Variants in SEC11C observed in about 807,000 individuals in gnomAD.
The protein encoded by SEC11C is SEC11 homolog C, signal peptidase complex subunit, also known as signal peptidase complex catalytic subunit SEC11C.
Under a neutral mutation model 21.9 loss-of-function variants are expected in SEC11C, and 10 were observed. The observed-to-expected ratio is 0.46, with a 90% confidence interval of 0.28 to 0.77. The LOEUF is 0.77. Ranked by LOEUF, SEC11C falls within the 30% of genes least tolerant of loss-of-function variation. The pLI, the probability that SEC11C is intolerant of heterozygous loss-of-function variation, is 0.12. For synonymous variants in SEC11C, 83 were observed against 85.6 expected, an observed-to-expected ratio of 0.97 and a Z score of 0.17; for missense variants, 145 against 244.5, an observed-to-expected ratio of 0.59 and a Z score of 2.71.
intron 1 of SEC11C, 23 bp downstream of exon 1, chr18:59,140,058 G>A: frequency 6.4e-7 from 1 of 1,557,206 alleles, no homozygotes; most frequent in Non-Finnish European, 8.7e-7. Context: ...GGTGGTGAGC[G>A]CGCCGTGGCC....
chr18:59,142,585 A>C (rs1263843285), intron 1 of SEC11C, among the ~76,000 whole-genome samples: 1 of 152,220 alleles, frequency 6.6e-6, no homozygotes. Context: ...CGTGACTTGT[A>C]AGGCTGATTT....
intron 3 of SEC11C, chr18:59,153,201 T>A (rs2069379392): frequency 6.6e-6 from 1 of 152,274 alleles, no homozygotes. Flanking sequence ...CACCGCCCCA[T>A]CCCCTACTCC....
intron 3 of SEC11C, among the ~76,000 whole-genome samples, chr18:59,154,638 G>A (rs764658533): frequency 3.9e-5 from 6 of 152,202 alleles, no homozygotes; most frequent in Non-Finnish European, 8.8e-5. Flanking sequence ...AACAAATTCT[G>A]CATTTGGCAA....
At chr18:59,150,361 A>G (rs2069333580) in intron 2 of SEC11C, among the ~76,000 whole-genome samples, 1 of 152,166 alleles carries the variant, frequency 6.6e-6, no homozygotes, top group Non-Finnish European at 1.5e-5. Context: ...CAGGGCTCTT[A>G]GCTCCCAAAC....
At chr18:59,140,346 C>T (rs1176699799) in intron 1 of SEC11C, among the ~76,000 whole-genome samples, 1 of 152,224 alleles carries the variant, frequency 6.6e-6, no homozygotes, top group Non-Finnish European at 1.5e-5. Context: ...CGGTGAACGA[C>T]AGCTCTCTGA....
In SEC11C at chr18:59,141,688, C is replaced by G. The variant is rs78422620; in HGVS notation, c.87+1653C>G. Among the ~76,000 whole-genome samples the G allele has an allele frequency of 1.8e-4, 27 of 151,074 alleles. No homozygotes were observed. The East Asian group carries it at 2.5e-3, about 14-fold the overall frequency. ...TCTTTTTTTTTTTTTCTCTTCTTCC[C>G]TCCAAAATAGCATCTTATGACACTT... On this transcript the variant is annotated intron_variant, in intron 1 of 5. Transcript: ENST00000587834.
At position 59,155,746 on chromosome 18, in the gene SEC11C, G is replaced by A. The variant is rs1355571294; in HGVS notation, c.406G>A (p.Gly136Ser). The A allele has an allele frequency of 3.7e-6, 6 of 1,613,876 alleles. No individual in the cohort carries two copies. In the African/African-American group the frequency reaches 4.0e-5, roughly 11 times the overall value. ...AGATAATAATGAAGTTGATGATAGA[G>A]GCTTGTACAAAGAAGGCCAGAACTG... ...KGDNNEVDDR[G>S]LYKEGQNWLE... is the part of the protein sequence containing the mutation. The change falls in exon 4 of 6, where the codon GGC (glycine) becomes AGC (serine). Residue 136 changes from glycine (G) to serine (S), a missense_variant. Coordinates refer to ENST00000587834, the MANE Select transcript of SEC11C (RefSeq NM_033280.4).
In SEC11C at chr18:59,155,895, T is replaced by G. The variant is rs2069412783; in HGVS notation, c.467+88T>G. On this transcript the variant is annotated intron_variant, in intron 4 of 5. Transcript: ENST00000587834. ...AATCAATAGGCTAATGAGTCGTTAA[T>G]TACAAATATGACATATCAGGAGAGT... 4.8e-6 allele frequency: 7 copies of G among 1,450,682 alleles called. No individual in the cohort carries two copies. In the South Asian group the frequency reaches 8.4e-5, roughly 17 times the overall value. 89.9% of individuals were successfully genotyped at this position (1,450,682 alleles called of 1,614,324 possible).
intron 1 of SEC11C, 106 bp downstream of exon 1, chr18:59,140,141 G>GCCGA: frequency 9.4e-7 from 1 of 1,067,112 alleles, no homozygotes; most frequent in Non-Finnish European, 1.3e-6. Context: ...GCGGCCGGGC[G>GCCGA]GCCACCCGAA....
intron 5 of SEC11C, among the ~76,000 whole-genome samples, chr18:59,157,931 C>G (rs2069436436): frequency 6.6e-6 from 1 of 152,190 alleles, no homozygotes; most frequent in South Asian, 2.1e-4. Flanking sequence ...CATACACACA[C>G]AAAAGTAGTA....
intron 5 of SEC11C, among the ~76,000 whole-genome samples, chr18:59,157,986 A>C (rs1555658924): frequency 6.6e-6 from 1 of 151,680 alleles, no homozygotes; most frequent in African/African-American, 2.4e-5. Context: ...CAAAAATGGT[A>C]TCTCTCTCTC....
At chr18:59,148,867 G>A (rs1303063507) in intron 1 of SEC11C, among the ~76,000 whole-genome samples, 3 of 151,924 alleles carry the variant, frequency 2.0e-5, no homozygotes, top group East Asian at 1.9e-4. Context: ...CACCCGCCTC[G>A]GCCTCCCAAA....
intron 1 of SEC11C, among the ~76,000 whole-genome samples, chr18:59,143,563 A>G (rs1353575770): frequency 6.6e-6 from 1 of 152,102 alleles, no homozygotes; most frequent in Non-Finnish European, 1.5e-5. Flanking sequence ...CTTTTCCTAC[A>G]TCAGTCAGAG....
intron 1 of SEC11C, among the ~76,000 whole-genome samples, chr18:59,145,243 C>T (rs2069257933): frequency 6.6e-6 from 1 of 152,248 alleles, no homozygotes; most frequent in Admixed American, 6.5e-5. Context: ...CACGGCCATG[C>T]TCTTTCTTTT....
chr18:59,154,836 C>T (rs1419324916), intron 3 of SEC11C, among the ~76,000 whole-genome samples: 1 of 152,132 alleles, frequency 6.6e-6, no homozygotes, highest in African/African-American at 2.4e-5. Context: ...GAGGCCAAGG[C>T]GGGTGGATCA....
At chr18:59,157,561 TG>T in intron 4 of SEC11C, 46 bp from the exon 5 acceptor site, 2 of 1,270,696 alleles carry the variant, frequency 1.6e-6, no homozygotes, top group Non-Finnish European at 2.3e-6. Flanking sequence ...GCCATCATCA[TG>T]TTATAAGCAG....
intron 2 of SEC11C, among the ~76,000 whole-genome samples, chr18:59,151,993 G>A (rs1387947822): frequency 6.6e-6 from 1 of 152,174 alleles, no homozygotes; most frequent in African/African-American, 2.4e-5. Context: ...TGTAGAATAT[G>A]GTGGAAAAGA....
intron 3 of SEC11C, among the ~76,000 whole-genome samples, chr18:59,153,650 A>T (rs938546761): frequency 6.6e-6 from 1 of 151,956 alleles, no homozygotes; most frequent in Non-Finnish European, 1.5e-5. Flanking sequence ...TCCCGGGTTC[A>T]AGCGATTCTT....
chr18:59,146,779 A>T (rs2069280932), intron 1 of SEC11C, among the ~76,000 whole-genome samples: 1 of 152,102 alleles, frequency 6.6e-6, no homozygotes, highest in African/African-American at 2.4e-5. Context: ...AGGGTTTGCG[A>T]TGGGAGAGTC....
Sources: allele counts gnomAD v4.1 joint callset (sites outside exome capture counted in the v4.1 genomes callset), GRCh38; gene constraint gnomAD v4.1.1; transcripts MANE v1.5; gene names NCBI Gene and HGNC (gene_info 2026-07-23, HGNC 2026-07-21).